SCIN: variants seen among roughly 807,000 people sequenced by gnomAD.
SCIN encodes the protein adseverin.
SCIN carries 91 observed loss-of-function variants against 91.8 expected under a neutral mutation model. The ratio of observed to expected loss-of-function variants is 0.99; its 90% CI spans 0.84 to 1.18. The LOEUF (loss-of-function observed/expected upper bound fraction) is 1.18, where lower values mean the gene tolerates loss of function less well. Ranked by LOEUF, SCIN falls within the 50% of genes most tolerant of loss-of-function variation. SCIN has a pLI of 0.00. For synonymous variants in SCIN, 367 were observed against 312.6 expected (o/e 1.17, Z -1.84); for missense variants, 1,087 against 863.9 (o/e 1.26, Z -3.24).
intron 4 of SCIN, among the ~76,000 whole-genome samples, chr7:12,613,494 T>C (rs1462957484): frequency 1.3e-5 from 2 of 152,210 alleles, no homozygotes; most frequent in African/African-American, 4.8e-5. Context: ...AGTATGTATT[T>C]GATAATAAGC....
rs1405689418 is a variant in SCIN at position 12,659,240 on chromosome 7, G to A, written c.*6525G>A. 1 of 152,256 alleles carries A rather than the reference G, an allele frequency of 6.6e-6. No homozygotes were observed. Among genetic ancestry groups the A allele is most frequent in the African/African-American group, 2.4e-5 (1 of 41,442 alleles). 9.4% of individuals were successfully genotyped at this position (152,256 alleles called of 1,614,324 possible). A position where few individuals can be genotyped will look rare whatever the true frequency, so the allele number is the denominator to read the frequency against. ...CAAAGTGCTGGGATTACAGGCATGA[G>A]CCACCGCACCCAGCCCTATTTATGT... On this transcript the variant is annotated 3_prime_UTR_variant, in exon 16 of 16. Transcript: ENST00000297029.
At chr7:12,596,064 T>A (rs2115239451) in intron 3 of SCIN, among the ~76,000 whole-genome samples, 1 of 152,324 alleles carries the variant, frequency 6.6e-6, no homozygotes, top group Admixed American at 6.5e-5. Context: ...AAGGAACGTA[T>A]GCTTGGAAGA....
chr7:12,598,202 C>T (rs1178539790), intron 3 of SCIN, among the ~76,000 whole-genome samples: 1 of 152,066 alleles, frequency 6.6e-6, no homozygotes, highest in Non-Finnish European at 1.5e-5. Context: ...TAGGTATTTA[C>T]CTATCACATT....
rs73048790 is a variant in SCIN, at chr7:12,657,095, A to C, written c.*4380A>C. The stretch of plus-strand genomic sequence containing the variant: ...ATAAATTGATACAATGGGTTTGAAC[A>C]GTTTTTGTATTTTCTACTAAAATGA... On this transcript the variant is annotated 3_prime_UTR_variant, in exon 16 of 16. Transcript: ENST00000297029. 1 of 151,794 alleles carries C rather than the reference A, an allele frequency of 6.6e-6. No individual in the cohort carries two copies. The highest frequency in any genetic ancestry group is 2.4e-5 in the African/African-American group (1 of 41,322). 9.4% of individuals were successfully genotyped at this position (151,794 alleles called of 1,614,324 possible).
At position 12,621,747 on chromosome 7, in the gene SCIN, A is replaced by G. The variant is rs1052628145; in HGVS notation, c.667-1054A>G. ...TAAAACATTTTATTGATCACAGTAC[A>G]AATAAAAAGATAGGTATGTTCCCAG... is the stretch of plus-strand genomic sequence containing the variant. On this transcript the variant is annotated intron_variant, in intron 4 of 15. Transcript: ENST00000297029. 8.6e-5 allele frequency among the ~76,000 whole-genome samples: 13 copies of G among 151,548 alleles called. 1 individual carries two copies. Among genetic ancestry groups the G allele is most frequent in the Middle Eastern group, 3.4e-3 (1 of 292 alleles).
intron 1 of SCIN, chr7:12,577,624 A>AGAG (rs1202827823): frequency 2.2e-6 from 1 of 456,144 alleles, no homozygotes; most frequent in African/African-American, 2.0e-5. Context: ...GGCCAAAGCC[A>AGAG]GAGGACTGCT....
chr7:12,574,045 G>A (rs1429276384), intron 1 of SCIN, among the ~76,000 whole-genome samples: 3 of 152,104 alleles, frequency 2.0e-5, no homozygotes, highest in African/African-American at 4.8e-5. Flanking sequence ...GCATTCATAG[G>A]TATTTATTCC....
At chr7:12,583,221 AT>A (rs991232385) in intron 3 of SCIN, among the ~76,000 whole-genome samples, 3 of 152,066 alleles carry the variant, frequency 2.0e-5, no homozygotes, top group African/African-American at 7.2e-5. Flanking sequence ...CTGCTATGAT[AT>A]TGGGCAACTC....
chr7:12,641,614 C>T lies in SCIN; in HGVS notation c.1581+1097C>T, dbSNP rs145245656. Among the ~76,000 whole-genome samples, 23 of 152,296 alleles carry T rather than the reference C, an allele frequency of 1.5e-4. No individual in the cohort carries two copies. In the East Asian group the frequency reaches 4.4e-3, roughly 29 times the overall value. On this transcript the variant is annotated intron_variant, in intron 11 of 15. Coordinates refer to ENST00000297029, the MANE Select transcript of SCIN (RefSeq NM_001112706.3). ...CCTTGACCGCATTTCATCTCACACT[C>T]ACATGGTCCTATACTAAATTTTGCC... is the stretch of plus-strand genomic sequence containing the variant.
At chr7:12,626,290 G>A in intron 7 of SCIN, 1 of 380,652 alleles carries the variant, frequency 2.6e-6, no homozygotes, top group Non-Finnish European at 4.7e-6. Flanking sequence ...CCCTGCACAA[G>A]GAACACAATG....
intron 1 of SCIN, among the ~76,000 whole-genome samples, chr7:12,576,573 A>G (rs912670883): frequency 1.3e-5 from 2 of 152,176 alleles, no homozygotes; most frequent in African/African-American, 4.8e-5. Context: ...TCAGTTATCT[A>G]TGGAAGAAAT....
chr7:12,632,057 G>T (rs1373966209), intron 9 of SCIN, among the ~76,000 whole-genome samples: 2 of 150,984 alleles, frequency 1.3e-5, no homozygotes, highest in Non-Finnish European at 3.0e-5. Context: ...CAAAGAGTTT[G>T]TATGGGGTGT....
rs1028260375 is a variant in SCIN, at chr7:12,651,342, C to T, written c.1960-499C>T. ...AAAAGGGAGGGCCTCAAAGAAAGTC[C>T]GGCTGCACCACTGCAGATTCTCTAC... On this transcript the variant is annotated intron_variant, in intron 14 of 15. Transcript: ENST00000297029. The surrounding 1 kb of genome is among the most constrained non-coding windows in gnomAD (Gnocchi z 5.9). 7.2e-5 allele frequency among the ~76,000 whole-genome samples: 11 copies of T among 152,134 alleles called. No individual in the cohort carries two copies. The highest frequency in any genetic ancestry group is 3.3e-4 in the Admixed American group (5 of 15,274).
intron 4 of SCIN, among the ~76,000 whole-genome samples, chr7:12,608,224 G>A (rs1339286285): frequency 1.3e-5 from 2 of 151,676 alleles, no homozygotes; most frequent in Non-Finnish European, 2.9e-5. Context: ...ATAATACTTT[G>A]TATCTTGTTT....
At chr7:12,639,019 C>G (rs1783806433) in intron 10 of SCIN, among the ~76,000 whole-genome samples, 1 of 152,136 alleles carries the variant, frequency 6.6e-6, no homozygotes, top group African/African-American at 2.4e-5. Context: ...AAATTGACAA[C>G]AAAATGGTAA....
intron 8 of SCIN, among the ~76,000 whole-genome samples, chr7:12,628,028 CGCGCGTGTGT>C (rs1328883873): frequency 2.8e-5 from 2 of 71,056 alleles, no homozygotes; most frequent in African/African-American, 1.2e-4. Flanking sequence ...GGCAAGTGTG[CGCGCGTGTGT>C]GTGTGTGTGT....
At chr7:12,627,231 C>G (rs2115276173) in intron 8 of SCIN, among the ~76,000 whole-genome samples, 1 of 152,150 alleles carries the variant, frequency 6.6e-6, no homozygotes, top group South Asian at 2.1e-4. Context: ...TGAGAAGATC[C>G]ATCTTCAGCT....
intron 3 of SCIN, among the ~76,000 whole-genome samples, chr7:12,600,275 C>G (rs528170390): frequency 1.3e-5 from 2 of 152,142 alleles, no homozygotes; most frequent in African/African-American, 4.8e-5. Flanking sequence ...ATCATATGTT[C>G]TCACTTATAT....
rs1221218444 is a variant in SCIN at position 12,659,817 on chromosome 7, T to G, written c.*7102T>G. The stretch of plus-strand genomic sequence containing the variant: ...AGGCCTCTGAGCCCAAGCTAAGCCA[T>G]CATATCCCCTGTGACCTGCACATAT... On this transcript the variant is annotated 3_prime_UTR_variant, in exon 16 of 16. Coordinates refer to ENST00000297029, the MANE Select transcript of SCIN (RefSeq NM_001112706.3). 5.8e-6 allele frequency: 1 copy of G among 171,710 alleles called. No homozygotes were observed. The highest frequency in any genetic ancestry group is 1.2e-5 in the Non-Finnish European group (1 of 80,694). The allele number at this position is 171,710 out of a possible 1,614,324, so 10.6% of individuals were successfully genotyped here. A position where few individuals can be genotyped will look rare whatever the true frequency, so the allele number is the denominator to read the frequency against.
Sources: gnomAD v4.1 joint callset for allele counts (sites outside exome capture counted in the v4.1 genomes callset) on GRCh38, gnomAD v4.1.1 for gene constraint, Gnocchi (gnomAD v3.1) non-coding constraint, MANE v1.5 for transcripts, NCBI Gene and HGNC (gene_info 2026-07-23, HGNC 2026-07-21) for gene names.